Variants in IQCH observed in about 807,000 individuals in gnomAD.
The protein encoded by IQCH is IQ motif containing H, also known as IQ domain-containing protein H.
In IQCH, 98 loss-of-function variants were observed where a neutral mutation model predicts 117.0. The observed-to-expected ratio is 0.84, with a 90% CI of 0.71 to 0.99. IQCH has a LOEUF of 0.99. IQCH is among the 50% of genes least tolerant of loss of function. IQCH has a pLI of 0.00. For synonymous variants in IQCH, 412 were observed against 448.2 expected (o/e 0.92, Z 1.02); for missense variants, 1,102 against 1,243.8 (o/e 0.89, Z 1.72).
At chr15:67,339,322 A>T (rs1370641316) in intron 5 of IQCH, among the ~76,000 whole-genome samples, 1 of 152,238 alleles carries the variant, frequency 6.6e-6, no homozygotes, top group East Asian at 1.9e-4. Flanking sequence ...CATGACTCTC[A>T]TACAAACATA....
chr15:67,487,930 C>A (rs541981492), intron 18 of IQCH, among the ~76,000 whole-genome samples: 1 of 151,192 alleles, frequency 6.6e-6, no homozygotes, highest in African/African-American at 2.4e-5. Flanking sequence ...TTGGAGAAAA[C>A]GGTTACAAGA....
At position 67,395,118 on chromosome 15, in the gene IQCH, G is replaced by A. The variant is rs1311907332; in HGVS notation, c.1633-173G>A. Among the ~76,000 whole-genome samples the A allele has an allele frequency of 1.3e-5, 2 of 152,092 alleles. No homozygotes were observed. Among genetic ancestry groups the A allele is most frequent in the Non-Finnish European group, 2.9e-5 (2 of 68,018 alleles). ...TTTCCAACACACTAAAGATGTGAGCGATTATGGAACCTCACCCCAACAGCT... is the reference window on the plus strand; with the variant it reads ...TTTCCAACACACTAAAGATGTGAGCAATTATGGAACCTCACCCCAACAGCT... On this transcript the variant is annotated intron_variant, in intron 12 of 20. Coordinates refer to ENST00000335894, the MANE Select transcript of IQCH (RefSeq NM_001031715.3). This position sits in a 1 kb window ranked among gnomAD's most constrained non-coding sequence, Gnocchi z 4.0.
In IQCH at chr15:67,433,306, T is replaced by C. The variant is rs1034882018; in HGVS notation, c.2505+11729T>C. On this transcript the variant is annotated intron_variant, in intron 16 of 20. Coordinates refer to ENST00000335894, the MANE Select transcript of IQCH (RefSeq NM_001031715.3). This position sits in a 1 kb window ranked among gnomAD's most constrained non-coding sequence, Gnocchi z 5.4. ...CACATGGGCAATGATGACAAATTTT[T>C]CCAGTGAAAATTACAATTCTGTTTC... 6.6e-6 allele frequency among the ~76,000 whole-genome samples: 1 copy of C among 152,200 alleles called. No homozygotes were observed. Among genetic ancestry groups the C allele is most frequent in the African/African-American group, 2.4e-5 (1 of 41,456 alleles).
At position 67,453,039 on chromosome 15, in the gene IQCH, C is replaced by T. The variant is rs1274579960; in HGVS notation, c.2506-12088C>T. Among the ~76,000 whole-genome samples the T allele has an allele frequency of 6.6e-6, 1 of 152,168 alleles. No homozygotes were observed. The highest frequency in any genetic ancestry group is 1.5e-5 in the Non-Finnish European group (1 of 68,046). ...CGTCGGCTAATAAGGCTTCTGCATT[C>T]GTCACGTAGCTCTCGTGCCTTGGTT... On this transcript the variant is annotated intron_variant, in intron 16 of 20. Transcript: ENST00000335894. The surrounding 1 kb of genome is among the most constrained non-coding windows in gnomAD (Gnocchi z 5.8).
At chr15:67,283,545 T>C (rs936010891) in intron 4 of IQCH, among the ~76,000 whole-genome samples, 1 of 152,028 alleles carries the variant, frequency 6.6e-6, no homozygotes, top group East Asian at 1.9e-4. Context: ...CTATTGACTA[T>C]CCGTGACAGC....
At chr15:67,322,012 T>C (rs911511507) in intron 4 of IQCH, among the ~76,000 whole-genome samples, 1 of 152,224 alleles carries the variant, frequency 6.6e-6, no homozygotes, top group Non-Finnish European at 1.5e-5. Flanking sequence ...CACATACTGA[T>C]TTTTTAAAAA....
chr15:67,306,838 G>A, intron 4 of IQCH: 1 of 1,532,974 alleles, frequency 6.5e-7, no homozygotes, highest in Non-Finnish European at 8.7e-7. Context: ...GGTCCTCAAA[G>A]GTATGTGGAA....
At chr15:67,307,233 C>CT in intron 4 of IQCH, 2 of 751,100 alleles carry the variant, frequency 2.7e-6, no homozygotes, top group Non-Finnish European at 3.3e-6. Flanking sequence ...AACTTAGAAT[C>CT]TTTTATTTAT....
intron 1 of IQCH, among the ~76,000 whole-genome samples, chr15:67,257,792 T>TA (rs1024317954): frequency 1.5e-4 from 23 of 152,392 alleles, no homozygotes; most frequent in African/African-American, 5.3e-4. Flanking sequence ...GCTTTTTAAT[T>TA]AAAATCCAAC....
At chr15:67,266,787 C>T (rs1965693435) in intron 3 of IQCH, among the ~76,000 whole-genome samples, 1 of 151,980 alleles carries the variant, frequency 6.6e-6, no homozygotes, top group Non-Finnish European at 1.5e-5. Flanking sequence ...TTTTGGCTGA[C>T]TTTTCTTAAG....
chr15:67,338,550 T>C (rs1404115044), intron 5 of IQCH, among the ~76,000 whole-genome samples: 2 of 91,446 alleles, frequency 2.2e-5, no homozygotes, highest in Non-Finnish European at 4.8e-5. Flanking sequence ...AAATGTTGTT[T>C]TAGCCTCACC....
chr15:67,489,473 C>A (rs921870514), intron 18 of IQCH, among the ~76,000 whole-genome samples: 4 of 129,024 alleles, frequency 3.1e-5, no homozygotes, highest in Admixed American at 7.9e-5. Flanking sequence ...CACCATGCTA[C>A]TTTTCACCAT....
chr15:67,391,893 A>G lies in IQCH; in HGVS notation c.1632+2887A>G, dbSNP rs1298249435. On this transcript the variant is annotated intron_variant, in intron 12 of 20. Coordinates refer to ENST00000335894, the MANE Select transcript of IQCH (RefSeq NM_001031715.3). This position sits in a 1 kb window ranked among gnomAD's most constrained non-coding sequence, Gnocchi z 4.3. ...CTTGCCAATAGAAACACGCAAACCT[A>G]GAGGAGACAGAACTCCATCCTGGCT... 6.6e-6 allele frequency among the ~76,000 whole-genome samples: 1 copy of G among 152,206 alleles called. No homozygotes were observed. Among genetic ancestry groups the G allele is most frequent in the African/African-American group, 2.4e-5 (1 of 41,466 alleles).
In IQCH at chr15:67,365,467, T is replaced by C. The variant is rs926921938; in HGVS notation, c.753+5582T>C. ...CTAATCCTTTTTGACCTTTACCGTG[T>C]GCCAGGCAGTGTACTAGATAGGCAC... is the stretch of plus-strand genomic sequence containing the variant. On this transcript the variant is annotated intron_variant, in intron 8 of 20. Transcript: ENST00000335894. This position sits in a 1 kb window ranked among gnomAD's most constrained non-coding sequence, Gnocchi z 4.4. 6.6e-6 allele frequency among the ~76,000 whole-genome samples: 1 copy of C among 152,216 alleles called. No homozygotes were observed. The highest frequency in any genetic ancestry group is 1.5e-5 in the Non-Finnish European group (1 of 68,042).
intron 4 of IQCH, among the ~76,000 whole-genome samples, chr15:67,311,768 TCTA>T (rs1374026133): frequency 1.3e-5 from 2 of 152,144 alleles, no homozygotes; most frequent in Non-Finnish European, 2.9e-5. Flanking sequence ...AAAAACTTGT[TCTA>T]CTGCTGAAAA....
chr15:67,259,577 G>T (rs1010296710), intron 1 of IQCH, among the ~76,000 whole-genome samples: 9 of 152,162 alleles, frequency 5.9e-5, no homozygotes, highest in African/African-American at 1.9e-4. Flanking sequence ...TCCACACAAG[G>T]CAGGTGAAAA....
chr15:67,338,229 A>ATCTATCTG (rs988445194), intron 5 of IQCH, among the ~76,000 whole-genome samples: 1 of 142,698 alleles, frequency 7.0e-6, no homozygotes, highest in African/African-American at 2.6e-5. Context: ...CTATCTATCT[A>ATCTATCTG]TCTATCTATC....
intron 7 of IQCH, 63 bp downstream of exon 7, chr15:67,357,484 T>C: frequency 9.4e-7 from 1 of 1,065,782 alleles, no homozygotes; most frequent in Non-Finnish European, 1.5e-6. Context: ...CTGTGAGATA[T>C]TTGGTGATTT....
At chr15:67,477,539 A>G (rs1006430892) in intron 18 of IQCH, among the ~76,000 whole-genome samples, 5 of 152,188 alleles carry the variant, frequency 3.3e-5, no homozygotes, top group African/African-American at 1.2e-4. Context: ...TGCAAATTAC[A>G]TTAAAATTGA....
Sources: gnomAD v4.1 joint callset for allele counts (sites outside exome capture counted in the v4.1 genomes callset) on GRCh38, gnomAD v4.1.1 for gene constraint, Gnocchi (gnomAD v3.1) non-coding constraint, MANE v1.5 for transcripts, NCBI Gene and HGNC (gene_info 2026-07-23, HGNC 2026-07-21) for gene names.